HCRTR1: variants seen among roughly 807,000 people sequenced by gnomAD.
HCRTR1 encodes orexin/Hypocretin receptor type 1.
In HCRTR1, 28 loss-of-function variants were observed where a neutral mutation model predicts 40.6. The ratio of observed to expected loss-of-function variants is 0.69; its 90% confidence interval spans 0.51 to 0.95. HCRTR1 has a LOEUF of 0.95. Among genes scored for constraint, HCRTR1 ranks in the 40% least tolerant of loss-of-function variants. HCRTR1 has a pLI of 0.00. For missense variants in HCRTR1, 482 were observed against 564.7 expected (o/e 0.85, Z 1.48); for synonymous variants, 209 against 230.0 (o/e 0.91, Z 0.83).
rs772642320 is a variant in HCRTR1, at chr1:31,623,743, T to C, written c.959T>C (p.Leu320Pro). 1.9e-6 allele frequency: 3 copies of C among 1,613,178 alleles called. No individual in the cohort carries two copies. In the Admixed American group the frequency reaches 5.0e-5, roughly 27 times the overall value. Reference protein sequence around the residue: ...CYLPISVLNVLKRVFGMFRQA... With the variant: ...CYLPISVLNVPKRVFGMFRQA... ...CTGCCCATCAGCGTCCTCAATGTCC[T>C]TAAGAGGTGAGAGCACGGGGTATGG... The change falls in exon 7 of 9, where the codon CTT becomes CCT. Residue 320 changes from leucine (L) to proline (P), a missense_variant. Physicochemically the swap from Leu to Pro is moderately conservative, Grantham distance 98. Coordinates refer to ENST00000403528, the MANE Select transcript of HCRTR1 (RefSeq NM_001525.3).
In HCRTR1 at chr1:31,619,366, C is replaced by G; in HGVS notation, c.174C>G (p.Val58=). 6.2e-7 allele frequency: 1 copy of G among 1,614,172 alleles called. No homozygotes were observed. Among genetic ancestry groups the G allele is most frequent in the Non-Finnish European group, 8.5e-7 (1 of 1,180,026 alleles). Residue 58 remains valine (V), a synonymous_variant, in exon 3 of 9, where the codon GTC becomes GTG. Coordinates refer to ENST00000403528, the MANE Select transcript of HCRTR1 (RefSeq NM_001525.3). ...TCGCAGCCTATGTGGCTGTGTTCGTCGTGGCCCTGGTGGGCAACACGCTGG... is the reference window on the plus strand; with the variant it reads ...TCGCAGCCTATGTGGCTGTGTTCGTGGTGGCCCTGGTGGGCAACACGCTGG... The part of the protein sequence containing the change: ...VLIAAYVAVF[V]VALVGNTLVC...
downstream of HCRTR1, chr1:31,633,236 G>T: frequency 6.2e-7 from 1 of 1,614,132 alleles, no homozygotes; most frequent in Non-Finnish European, 8.5e-7. Context: ...CTCCTTCATG[G>T]AGATATAGCC....
At chr1:31,633,309 C>A (rs140595911), downstream of HCRTR1, 34 of 1,610,604 alleles carry the variant, frequency 2.1e-5, no homozygotes, top group Non-Finnish European at 2.9e-5. Flanking sequence ...TTGGGAGGGG[C>A]GCCACCTGGA....
chr1:31,620,460 T>G (rs1639827402), intron 4 of HCRTR1, among the ~76,000 whole-genome samples: 1 of 152,208 alleles, frequency 6.6e-6, no homozygotes, highest in African/African-American at 2.4e-5. Context: ...TGCCTCAGTT[T>G]CCTCATCTGT....
downstream of HCRTR1, among the ~76,000 whole-genome samples, chr1:31,631,031 T>C (rs1022395190): frequency 3.3e-5 from 5 of 152,176 alleles, no homozygotes; most frequent in African/African-American, 1.2e-4. Context: ...GTCTGGATGC[T>C]CCCCTTAGGT....
chr1:31,630,084 G>A, downstream of HCRTR1: 1 of 170,244 alleles, frequency 5.9e-6, no homozygotes, highest in Non-Finnish European at 1.3e-5. Flanking sequence ...TCTGAGCAGG[G>A]CCAGCCCCAG....
downstream of HCRTR1, among the ~76,000 whole-genome samples, chr1:31,628,738 G>A (rs1475639154): frequency 6.6e-6 from 1 of 152,346 alleles, no homozygotes; most frequent in South Asian, 2.1e-4. Context: ...CACTCTGGGG[G>A]ACTCAGATAA....
In HCRTR1 at chr1:31,623,524, TC is replaced by T; in HGVS notation, c.744del (p.Gly249AlafsTer24). 6.2e-7 allele frequency: 1 copy of T among 1,611,482 alleles called. No individual in the cohort carries two copies. Among genetic ancestry groups the T allele is most frequent in the East Asian group, 2.2e-5 (1 of 44,846 alleles). On this transcript the variant is annotated frameshift_variant and splice_region_variant, in exon 7 of 9. Transcript: ENST00000403528. LOFTEE classifies it high-confidence loss of function. ...QIFRKLWGRQ[I>X]PGTTSALVRN... Reference sequence around the variant, plus strand: ...GCTGTCTCTATGTGTGCTGGACAGATCCCCGGCACCACCTCAGCACTGGTGC... The same window carrying T: ...GCTGTCTCTATGTGTGCTGGACAGATCCCGGCACCACCTCAGCACTGGTGC...
downstream of HCRTR1, among the ~76,000 whole-genome samples, chr1:31,627,784 C>T (rs903981944): frequency 1.3e-5 from 2 of 152,182 alleles, no homozygotes; most frequent in South Asian, 4.1e-4. Context: ...CCTCGGCACA[C>T]GTGGTGCTGC....
chr1:31,628,097 G>C (rs1387735104), downstream of HCRTR1, among the ~76,000 whole-genome samples: 1 of 152,162 alleles, frequency 6.6e-6, no homozygotes, highest in Non-Finnish European at 1.5e-5. Context: ...AGTGCAGCCT[G>C]AAGTGCTACT....
chr1:31,633,283 G>A (rs1217517088), downstream of HCRTR1: 5 of 1,613,822 alleles, frequency 3.1e-6, no homozygotes, highest in South Asian at 1.1e-5. Context: ...ACCAGGAGTA[G>A]GCCTCAGGAT....
At chr1:31,633,195 A>T (rs1640162016), downstream of HCRTR1, 1 of 1,614,034 alleles carries the variant, frequency 6.2e-7, no homozygotes, top group Admixed American at 1.7e-5. Flanking sequence ...TTGAATGAAG[A>T]CCAATTGCAG....
chr1:31,630,818 A>G, downstream of HCRTR1: 5 of 1,611,364 alleles, frequency 3.1e-6, no homozygotes, highest in Non-Finnish European at 4.2e-6. Context: ...CTGGGGGCTC[A>G]GGTTGTAGCC....
Position 31,625,729 on chromosome 1 carries a change from A to C in HCRTR1, c.1087+611A>C, listed in dbSNP as rs1639963662. On this transcript the variant is annotated intron_variant, in intron 8 of 8. Coordinates refer to ENST00000403528, the MANE Select transcript of HCRTR1 (RefSeq NM_001525.3). This position sits in a 1 kb window ranked among gnomAD's most constrained non-coding sequence, Gnocchi z 4.2. ...CCCACAGTGCCCACCCCCTCCCTCT[A>C]CCTCCCAGTCTCAGGGTGGTAATGG... Among the ~76,000 whole-genome samples the C allele has an allele frequency of 6.8e-6, 1 of 147,300 alleles. No individual in the cohort carries two copies. The highest frequency in any genetic ancestry group is 2.5e-5 in the African/African-American group (1 of 39,552).
rs1277753360 is a variant in HCRTR1, at chr1:31,627,559, C to G, written c.*579C>G. 2.8e-6 allele frequency: 1 copy of G among 354,898 alleles called. No homozygotes were observed. The highest frequency in any genetic ancestry group is 7.6e-5 in the East Asian group (1 of 13,130). 22.0% of individuals were successfully genotyped at this position (354,898 alleles called of 1,614,324 possible). ...TGTGATAAAACACTCTCCATGGCCA[C>G]TTGGCAGAGAGGCCAGCAGCCCGAA... On this transcript the variant is annotated 3_prime_UTR_variant, in exon 9 of 9. Coordinates refer to ENST00000403528, the MANE Select transcript of HCRTR1 (RefSeq NM_001525.3).
intron 6 of HCRTR1, 102 bp from the exon 7 acceptor site, chr1:31,623,421 C>A: frequency 1.1e-6 from 1 of 909,888 alleles, no homozygotes; most frequent in Non-Finnish European, 1.7e-6. Context: ...TTTTGCCCAT[C>A]TCCACCCTGC....
intron 6 of HCRTR1, among the ~76,000 whole-genome samples, chr1:31,622,613 A>C (rs1472831728): frequency 6.6e-6 from 1 of 152,206 alleles, no homozygotes; most frequent in African/African-American, 2.4e-5. Context: ...GGCTAAGGTC[A>C]CATAGCTCAC....
rs1557578719 is a variant in HCRTR1 at position 31,623,618 on chromosome 1, C to G, written c.834C>G (p.Pro278=). ...AGGGCCTGAGTGGAGAGCCCCAGCC[C>G]CGGGCCCGCGCCTTCCTGGCTGAAG... ...LEQGLSGEPQ[P]RARAFLAEVK... is the part of the protein sequence containing the mutation. Residue 278 remains proline (P), a synonymous_variant, in exon 7 of 9, where the codon CCC becomes CCG. Coordinates refer to ENST00000403528, the MANE Select transcript of HCRTR1 (RefSeq NM_001525.3). 6.2e-7 allele frequency: 1 copy of G among 1,613,882 alleles called. No homozygotes were observed.
At chr1:31,633,985 A>C (rs1173612207), downstream of HCRTR1, among the ~76,000 whole-genome samples, 2 of 152,242 alleles carry the variant, frequency 1.3e-5, no homozygotes, top group Non-Finnish European at 2.9e-5. Flanking sequence ...AACCCAAAAA[A>C]AACAGTGTAG....
Sources: allele counts gnomAD v4.1 joint callset (sites outside exome capture counted in the v4.1 genomes callset), GRCh38; gene constraint gnomAD v4.1.1; non-coding constraint Gnocchi (gnomAD v3.1); transcripts MANE v1.5; gene names NCBI Gene and HGNC (gene_info 2026-07-23, HGNC 2026-07-21).